Variants in SRPX observed in about 807,000 individuals in gnomAD.
SRPX encodes sushi repeat containing protein X-linked, also known as sushi repeat-containing protein SRPX.
In SRPX, 24 loss-of-function variants were observed where a neutral mutation model predicts 38.1. The ratio of observed to expected loss-of-function variants is 0.63; its 90% CI spans 0.46 to 0.89. The LOEUF is 0.89. Ranked by LOEUF, SRPX falls within the 40% of genes least tolerant of loss-of-function variation. The pLI, the probability that SRPX is intolerant of heterozygous loss-of-function variation, is 0.00. For missense variants in SRPX, 416 were observed against 377.8 expected, an observed-to-expected ratio of 1.10 and a Z score of -0.84; for synonymous variants, 184 against 153.8, an observed-to-expected ratio of 1.20 and a Z score of -1.45.
chrX:38,155,870 G>A (rs1052618580), intron 8 of SRPX, among the ~76,000 whole-genome samples: 12 of 111,817 alleles, frequency 1.1e-4, no homozygotes, highest in Admixed American at 2.8e-4. Flanking sequence ...GTGGGGACCA[G>A]GGGTAAAGAT....
intron 9 of SRPX, 87 bp downstream of exon 9, chrX:38,154,375 A>G: frequency 1.9e-6 from 2 of 1,062,721 alleles, no homozygotes; most frequent in Non-Finnish European, 2.5e-6. Context: ...GCCTGAACTC[A>G]ATCCTGAATA....
Position 38,164,755 on chromosome X carries a change from C to T in SRPX, c.653+14G>A. 8.3e-7 allele frequency: 1 copy of T among 1,208,094 alleles called. No individual in the cohort carries two copies. The highest frequency in any genetic ancestry group is 1.8e-5 in the South Asian group (1 of 55,890). ...AAAGAGACAGCATCATTTTATCTGC[C>T]AAGTTTCACTTACTCAGTAAGAATT... On this transcript the variant is annotated intron_variant, in intron 5 of 9. Coordinates refer to ENST00000378533, the MANE Select transcript of SRPX (RefSeq NM_006307.5).
At chrX:38,172,845 C>A (rs1938499455) in intron 3 of SRPX, among the ~76,000 whole-genome samples, 1 of 112,750 alleles carries the variant, frequency 8.9e-6, no homozygotes, top group African/African-American at 3.2e-5. Flanking sequence ...CTACAGGCTG[C>A]TCACAGGAGA....
At chrX:38,165,105 G>A (rs767098142) in intron 4 of SRPX, among the ~76,000 whole-genome samples, 2 of 111,722 alleles carry the variant, frequency 1.8e-5, no homozygotes, top group African/African-American at 6.5e-5. Flanking sequence ...CATTTGCAGG[G>A]CTAAACCTGC....
intron 1 of SRPX, among the ~76,000 whole-genome samples, chrX:38,196,737 G>A (rs1294836161): frequency 8.9e-6 from 1 of 112,179 alleles, no homozygotes; most frequent in Non-Finnish European, 1.9e-5. Context: ...AAGGAATAGG[G>A]GAAAAGCCCA....
intron 1 of SRPX, among the ~76,000 whole-genome samples, chrX:38,219,104 G>A (rs1423429682): frequency 1.8e-5 from 2 of 111,033 alleles, no homozygotes. Flanking sequence ...TGCCCAAACT[G>A]GCGAACTCAT....
chrX:38,164,616 T>C (rs1938328834), intron 5 of SRPX, among the ~76,000 whole-genome samples, 153 bp downstream of exon 5: 1 of 112,094 alleles, frequency 8.9e-6, no homozygotes, highest in Admixed American at 9.4e-5. Context: ...AATCAACAAA[T>C]ACATAGGTGA....
At chrX:38,174,949 A>C (rs1938542496) in intron 2 of SRPX, among the ~76,000 whole-genome samples, 1 of 111,814 alleles carries the variant, frequency 8.9e-6, no homozygotes, top group South Asian at 3.8e-4. Flanking sequence ...AAAGTCACAG[A>C]ACAATTGCTC....
At chrX:38,179,472 A>G (rs1003823251) in intron 1 of SRPX, among the ~76,000 whole-genome samples, 3 of 112,300 alleles carry the variant, frequency 2.7e-5, no homozygotes, top group Non-Finnish European at 1.9e-5. Flanking sequence ...CAGACTTCAC[A>G]GTCTAATTAA....
chrX:38,198,206 A>T (rs752438710), intron 1 of SRPX, among the ~76,000 whole-genome samples: 5 of 112,154 alleles, frequency 4.5e-5, no homozygotes, highest in African/African-American at 1.3e-4. Context: ...ATAAAAAGGC[A>T]GAGTGATGAA....
At chrX:38,217,178 T>A (rs1443455877) in intron 1 of SRPX, among the ~76,000 whole-genome samples, 1 of 112,687 alleles carries the variant, frequency 8.9e-6, no homozygotes, top group Non-Finnish European at 1.9e-5. Flanking sequence ...GGGTAAGACA[T>A]AGCACGGCCC....
intron 4 of SRPX, among the ~76,000 whole-genome samples, chrX:38,169,494 AC>A (rs1367599161): frequency 5.6e-5 from 4 of 71,348 alleles, no homozygotes; most frequent in African/African-American, 1.9e-4. Flanking sequence ...TCTGTAGAAA[AC>A]AAAAAATAAG....
chrX:38,169,349 T>A (rs1228210787), intron 4 of SRPX, among the ~76,000 whole-genome samples: 1 of 111,978 alleles, frequency 8.9e-6, no homozygotes, highest in Non-Finnish European at 1.9e-5. Context: ...ATCCCATTCC[T>A]ATGGGTCATT....
At chrX:38,186,342 G>A (rs1938786083) in intron 1 of SRPX, among the ~76,000 whole-genome samples, 1 of 111,609 alleles carries the variant, frequency 9.0e-6, no homozygotes, top group African/African-American at 3.3e-5. Flanking sequence ...GCCATCAGAT[G>A]AAACTGCAGG....
In SRPX at chrX:38,154,516, A is replaced by G; in HGVS notation, c.1157T>C (p.Leu386Pro). The G allele has an allele frequency of 3.3e-6, 4 of 1,207,348 alleles. No homozygotes were observed. The highest frequency in any genetic ancestry group is 1.8e-5 in the South Asian group (1 of 55,887). ...VVELVGVFPT[L>P]IGRIGAKIMP... is the part of the protein sequence containing the mutation. ...AATCTTTGCTCCTATCCTGCCAATG[A>G]GAGTCGGGAACACACCCACCAGCTC... is the stretch of plus-strand genomic sequence containing the variant. The change falls in exon 9 of 10, where the codon CTC becomes CCC. Residue 386 changes from leucine to proline, a missense_variant. By Grantham distance (98) the Leu-to-Pro change is moderately conservative. Transcript: ENST00000378533.
At chrX:38,165,756 C>G (rs1173527515) in intron 4 of SRPX, among the ~76,000 whole-genome samples, 1 of 111,897 alleles carries the variant, frequency 8.9e-6, no homozygotes, top group Non-Finnish European at 1.9e-5. Flanking sequence ...CTGTCTGGGT[C>G]CACTCTCCCC....
intron 1 of SRPX, among the ~76,000 whole-genome samples, chrX:38,198,158 A>AGGAC (rs759111005): frequency 9.8e-5 from 11 of 112,401 alleles, no homozygotes; most frequent in Non-Finnish European, 2.1e-4. Flanking sequence ...GGTGGAGGAC[A>AGGAC]GGACGAAATA....
chrX:38,181,302 A>T (rs1462914911), intron 1 of SRPX, among the ~76,000 whole-genome samples: 1 of 112,439 alleles, frequency 8.9e-6, no homozygotes, highest in Non-Finnish European at 1.9e-5. Flanking sequence ...GATTAGTAAG[A>T]TAAGGAGGGC....
chrX:38,151,890 G>A (rs746056037), intron 9 of SRPX, among the ~76,000 whole-genome samples: 2 of 110,903 alleles, frequency 1.8e-5, no homozygotes, highest in East Asian at 5.7e-4. Flanking sequence ...TCTTCCTTGA[G>A]ATTGCTGGAA....
Sources: allele counts gnomAD v4.1 joint callset (sites outside exome capture counted in the v4.1 genomes callset), GRCh38; gene constraint gnomAD v4.1.1; transcripts MANE v1.5; gene names NCBI Gene and HGNC (gene_info 2026-07-23, HGNC 2026-07-21).